The following SFXN5 variants were observed in gnomAD, a reference collection of about 807,000 sequenced individuals.
The protein encoded by SFXN5 is sideroflexin-5.
A neutral mutation model predicts 50.2 loss-of-function variants in SFXN5; 43 were observed. The observed-to-expected ratio is 0.86, with a 90% CI of 0.67 to 1.11. The LOEUF (loss-of-function observed/expected upper bound fraction) is 1.11, where lower values mean the gene tolerates loss of function less well. SFXN5 is among the 50% of genes least tolerant of loss of function. SFXN5 has a pLI of 0.00. For missense variants in SFXN5, 463 were observed against 454.1 expected, an observed-to-expected ratio of 1.02 and a Z score of -0.18; for synonymous variants, 203 against 185.8, an observed-to-expected ratio of 1.09 and a Z score of -0.75.
At position 72,961,164 on chromosome 2, in the gene SFXN5, C is replaced by T. The variant is rs150656854; in HGVS notation, c.912G>A (p.Pro304=). 85 of 1,581,050 alleles carry T rather than the reference C, an allele frequency of 5.4e-5. No homozygotes were observed. The African/African-American group carries it at 8.4e-4, about 16-fold the overall frequency. ...VCLAAFGLAL[P]LAISLFPQMS... Reference sequence around the variant, plus strand: ...TTTGCGGGAAGAGGCTGATGGCCAGCGGCAGGGCCAGGCCGAAGGCTGCCA... The same window carrying T: ...TTTGCGGGAAGAGGCTGATGGCCAGTGGCAGGGCCAGGCCGAAGGCTGCCA... The change falls in exon 13 of 14, where the codon CCG becomes CCA. Residue 304 remains proline (P), a synonymous_variant. Transcript: ENST00000272433. The surrounding 1 kb of genome is among the most constrained non-coding windows in gnomAD (Gnocchi z 4.4).
At position 73,011,114 on chromosome 2, in the gene SFXN5, C is replaced by G. The variant is rs111824051; in HGVS notation, c.357+9125G>C. On this transcript the variant is annotated intron_variant, in intron 6 of 13. Coordinates refer to ENST00000272433, the MANE Select transcript of SFXN5 (RefSeq NM_144579.3). ...CACAAATCAATCAATTGTGCAGTGG[C>G]ACAATCAAAACTCACTGAAGCCTCA... Among the ~76,000 whole-genome samples, 4 of 152,336 alleles carry G rather than the reference C, an allele frequency of 2.6e-5. 1 individual carries two copies. Among genetic ancestry groups the G allele is most frequent in the African/African-American group, 9.6e-5 (4 of 41,582 alleles).
rs145101084 is a variant in SFXN5 at position 72,972,053 on chromosome 2, C to A, written c.626-368G>T. On this transcript the variant is annotated intron_variant, in intron 10 of 13. Transcript: ENST00000272433. ...GACCTGAAGTCGCATCCCCCCTGAC[C>A]CCGAGGCCTGATGTTCCACCATCAC... is the stretch of plus-strand genomic sequence containing the variant. Among the ~76,000 whole-genome samples, 231 of 152,316 alleles carry A rather than the reference C, an allele frequency of 1.5e-3. 1 individual carries two copies. The highest frequency in any genetic ancestry group is 5.1e-3 in the African/African-American group (214 of 41,562).
intron 3 of SFXN5, among the ~76,000 whole-genome samples, chr2:73,028,980 A>C (rs1677956529): frequency 6.6e-6 from 1 of 152,182 alleles, no homozygotes; most frequent in South Asian, 2.1e-4. Flanking sequence ...AGTCGTTGTA[A>C]GGGAGGGTTC....
intron 6 of SFXN5, among the ~76,000 whole-genome samples, chr2:73,005,713 C>A (rs1444178251): frequency 1.3e-5 from 2 of 152,184 alleles, no homozygotes; most frequent in Non-Finnish European, 1.5e-5. Context: ...CAAGTCTTAT[C>A]CCTCAGAGAA....
chr2:72,946,406 G>C (rs1484599983), intron 13 of SFXN5, among the ~76,000 whole-genome samples: 2 of 152,004 alleles, frequency 1.3e-5, no homozygotes, highest in Non-Finnish European at 2.9e-5. Flanking sequence ...TCTCTCCAAG[G>C]TCACTGCCAC....
chr2:72,959,859 C>G (rs964314719), intron 13 of SFXN5, among the ~76,000 whole-genome samples: 1 of 152,226 alleles, frequency 6.6e-6, no homozygotes, highest in African/African-American at 2.4e-5. Flanking sequence ...GATCCCACAT[C>G]TTGTTGCGGC....
Position 73,034,200 on chromosome 2 carries a change from C to T in SFXN5, c.249+6654G>A, listed in dbSNP as rs190629990. Among the ~76,000 whole-genome samples, 18 of 152,320 alleles carry T rather than the reference C, an allele frequency of 1.2e-4. No individual in the cohort carries two copies. The East Asian group carries it at 3.5e-3, about 29-fold the overall frequency. On this transcript the variant is annotated intron_variant, in intron 3 of 13. Transcript: ENST00000272433. ...TACAAATGACTCACCTCCTACTGATCACTTGCCTGTTCTGTGCTACCAGTT... is the reference window on the plus strand; with the variant it reads ...TACAAATGACTCACCTCCTACTGATTACTTGCCTGTTCTGTGCTACCAGTT...
At chr2:73,036,811 G>A (rs1433972267) in intron 3 of SFXN5, among the ~76,000 whole-genome samples, 1 of 152,206 alleles carries the variant, frequency 6.6e-6, no homozygotes, top group Non-Finnish European at 1.5e-5. Flanking sequence ...TTCGGCCTGA[G>A]TAGGGTGGGG....
At chr2:72,984,496 G>A (rs1671668361) in intron 10 of SFXN5, among the ~76,000 whole-genome samples, 2 of 152,190 alleles carry the variant, frequency 1.3e-5, no homozygotes, top group African/African-American at 4.8e-5. Flanking sequence ...GCTTGAAATA[G>A]CCCTGGGCTG....
At position 72,988,375 on chromosome 2, in the gene SFXN5, GA is replaced by G. The variant is rs781488288; in HGVS notation, c.535-28del. The stretch of plus-strand genomic sequence containing the variant: ...TTTGAAAGAAAAAAATAAAAACACA[GA>G]AAAAGTACATGATGCTGCAGTGGCT... On this transcript the variant is annotated intron_variant, in intron 9 of 13. Coordinates refer to ENST00000272433, the MANE Select transcript of SFXN5 (RefSeq NM_144579.3). 8.7e-6 allele frequency: 14 copies of G among 1,602,784 alleles called. No individual in the cohort carries two copies. The African/African-American group carries it at 1.7e-4, about 20-fold the overall frequency.
chr2:73,056,031 G>A (rs981030620), intron 2 of SFXN5, among the ~76,000 whole-genome samples: 2 of 152,080 alleles, frequency 1.3e-5, no homozygotes, highest in Non-Finnish European at 2.9e-5. Context: ...CCAGCTACTC[G>A]GGAGGCTGAG....
intron 2 of SFXN5, chr2:73,053,524 C>T (rs1681674915): frequency 6.6e-6 from 1 of 152,360 alleles, no homozygotes; most frequent in Non-Finnish European, 1.5e-5. Context: ...TTGTTCAAGG[C>T]ATTCTTAGAA....
chr2:73,004,290 C>A, intron 6 of SFXN5, among the ~76,000 whole-genome samples: 2 of 142,964 alleles, frequency 1.4e-5, no homozygotes, highest in East Asian at 2.3e-4. Flanking sequence ...ATGGAGAAAG[C>A]CAGAGGAGAG....
chr2:72,996,043 TG>T (rs1414039520), intron 9 of SFXN5, among the ~76,000 whole-genome samples: 4 of 152,090 alleles, frequency 2.6e-5, no homozygotes, highest in Non-Finnish European at 2.9e-5. Context: ...CTCCTCTCCA[TG>T]GGGGAGAAGC....
chr2:72,969,645 C>G (rs1033012557), intron 11 of SFXN5, among the ~76,000 whole-genome samples: 2 of 151,840 alleles, frequency 1.3e-5, no homozygotes, highest in African/African-American at 4.8e-5. Flanking sequence ...ATCCACCCCC[C>G]TCAGCCTCCA....
chr2:73,033,396 T>C (rs1391593099), intron 3 of SFXN5, among the ~76,000 whole-genome samples: 3 of 152,140 alleles, frequency 2.0e-5, no homozygotes, highest in Non-Finnish European at 4.4e-5. Flanking sequence ...GAAGGAAAAG[T>C]GCTTCAGGAA....
intron 2 of SFXN5, among the ~76,000 whole-genome samples, chr2:73,057,484 A>AT (rs1275552114): frequency 6.6e-6 from 1 of 152,220 alleles, no homozygotes; most frequent in African/African-American, 2.4e-5. Context: ...AGAAGCCTGC[A>AT]TACTGTAGGA....
At chr2:73,026,827 C>G (rs1677615654) in intron 3 of SFXN5, among the ~76,000 whole-genome samples, 1 of 152,082 alleles carries the variant, frequency 6.6e-6, no homozygotes, top group African/African-American at 2.4e-5. Context: ...CTCCCAGGTT[C>G]AAGCGATTCT....
intron 2 of SFXN5, among the ~76,000 whole-genome samples, chr2:73,047,275 T>TATATATATATATATATATATATAC (rs1300799277): frequency 6.8e-4 from 35 of 51,704 alleles, no homozygotes; most frequent in Non-Finnish European, 1.1e-3. Context: ...TATATATATA[T>TATATATATATATATATATATATAC]ACACACATAT....
Sources: allele counts gnomAD v4.1 joint callset (sites outside exome capture counted in the v4.1 genomes callset), GRCh38; gene constraint gnomAD v4.1.1; non-coding constraint Gnocchi (gnomAD v3.1); transcripts MANE v1.5; gene names NCBI Gene and HGNC (gene_info 2026-07-23, HGNC 2026-07-21).